ZNF420: variants seen among roughly 807,000 people sequenced by gnomAD.
The protein encoded by ZNF420 is zinc finger protein 420.
In ZNF420, 31 loss-of-function variants were observed where a neutral mutation model predicts 44.7. That is an observed-to-expected ratio of 0.69 (90% CI 0.52 to 0.94). The LOEUF (loss-of-function observed/expected upper bound fraction) is 0.94. ZNF420 is among the 40% of genes least tolerant of loss of function. The pLI, the probability that ZNF420 is intolerant of heterozygous loss-of-function variation, is 0.00. For missense variants in ZNF420, 681 were observed against 827.9 expected, an observed-to-expected ratio of 0.82 and a Z score of 2.18; for synonymous variants, 245 against 267.4, an observed-to-expected ratio of 0.92 and a Z score of 0.82.
intron 4 of ZNF420, among the ~76,000 whole-genome samples, chr19:37,120,218 C>T (rs1599718673): frequency 1.3e-5 from 2 of 152,234 alleles, no homozygotes; most frequent in South Asian, 4.1e-4. Context: ...ATGCAAAAAT[C>T]CTCAATAAAA....
chr19:37,114,306 C>T (rs1324593175), intron 4 of ZNF420, among the ~76,000 whole-genome samples: 1 of 151,924 alleles, frequency 6.6e-6, no homozygotes, highest in Non-Finnish European at 1.5e-5. Flanking sequence ...TTTCTGGGGG[C>T]GGCTGATCCT....
intron 1 of ZNF420, among the ~76,000 whole-genome samples, chr19:37,016,515 C>A (rs1599594446): frequency 6.6e-6 from 1 of 152,158 alleles, no homozygotes; most frequent in East Asian, 1.9e-4. Context: ...TCTTGGGGAT[C>A]CTCATTGCCC....
intron 1 of ZNF420, among the ~76,000 whole-genome samples, chr19:37,012,839 C>T (rs1000422246): frequency 5.4e-5 from 8 of 149,122 alleles, no homozygotes; most frequent in African/African-American, 2.0e-4. Context: ...CCATCTCTGT[C>T]TCTGTTTCTG....
At chr19:37,009,402 G>A (rs2146364513) in intron 1 of ZNF420, among the ~76,000 whole-genome samples, 1 of 152,262 alleles carries the variant, frequency 6.6e-6, no homozygotes, top group South Asian at 2.1e-4. Flanking sequence ...GCATTGTTGG[G>A]GAGGTCACCT....
intron 1 of ZNF420, among the ~76,000 whole-genome samples, chr19:37,067,455 A>C (rs1361509920): frequency 6.6e-6 from 1 of 152,210 alleles, no homozygotes; most frequent in Non-Finnish European, 1.5e-5. Flanking sequence ...GCTGGATACA[A>C]GGCTAATTAT....
intron 4 of ZNF420, among the ~76,000 whole-genome samples, chr19:37,124,390 T>G (rs1470984889): frequency 6.6e-6 from 1 of 152,236 alleles, no homozygotes; most frequent in Admixed American, 6.5e-5. Context: ...TAGTTCCAGT[T>G]TGGAGCACTT....
intron 4 of ZNF420, among the ~76,000 whole-genome samples, chr19:37,116,993 G>C (rs1429956481): frequency 6.6e-6 from 1 of 152,188 alleles, no homozygotes; most frequent in Non-Finnish European, 1.5e-5. Context: ...AGCTAAAGGA[G>C]GCCTTCCTGC....
intron 1 of ZNF420, among the ~76,000 whole-genome samples, chr19:37,068,227 TTACCCCAAA>T (rs928603591): frequency 3.3e-5 from 5 of 151,938 alleles, no homozygotes; most frequent in African/African-American, 1.2e-4. Flanking sequence ...AGAATGCATA[TTACCCCAAA>T]GAGTAGCAGA....
intron 1 of ZNF420, among the ~76,000 whole-genome samples, chr19:37,019,311 C>A (rs2074629477): frequency 6.6e-6 from 1 of 152,052 alleles, no homozygotes; most frequent in Non-Finnish European, 1.5e-5. Context: ...AAATGCTAAT[C>A]AAATCTATAA....
Position 37,127,476 on chromosome 19 carries a change from C to T in ZNF420, c.485C>T (p.Thr162Ile). The T allele has an allele frequency of 6.2e-7, 1 of 1,614,062 alleles. No homozygotes were observed. The highest frequency in any genetic ancestry group is 8.5e-7 in the Non-Finnish European group (1 of 1,179,962). ...SHLTQHQSIHTGEKPYECKQC... is the reference protein window; with the variant it reads ...SHLTQHQSIHIGEKPYECKQC... ...CTAACACAACATCAAAGTATTCATA[C>T]TGGTGAAAAACCCTATGAATGTAAG... is the stretch of plus-strand genomic sequence containing the variant. The change falls in exon 5 of 5, where the codon ACT becomes ATT. Residue 162 changes from threonine to isoleucine, a missense_variant. Coordinates refer to ENST00000337995, the MANE Select transcript of ZNF420 (RefSeq NM_144689.5).
chr19:37,065,306 CA>C (rs1318837864), intron 1 of ZNF420, among the ~76,000 whole-genome samples: 1 of 152,188 alleles, frequency 6.6e-6, no homozygotes, highest in African/African-American at 2.4e-5. Flanking sequence ...CCAAAGGCCA[CA>C]AGGGGTTTTA....
In ZNF420 at chr19:37,023,322, G is replaced by A. The variant is rs533649626; in HGVS notation, c.-125+15240G>A. 7.9e-5 allele frequency among the ~76,000 whole-genome samples: 12 copies of A among 152,188 alleles called. No individual in the cohort carries two copies. In the East Asian group the frequency reaches 9.7e-4, roughly 12 times the overall value. On this transcript the variant is annotated intron_variant, in intron 1 of 4. Transcript: ENST00000587029. The stretch of plus-strand genomic sequence containing the variant: ...AATTTTCCTCTATTACGAATGGTTC[G>A]ATAATGCAAAAATAGAAGAATGCCA...
rs1967630093 is a variant in ZNF420, at chr19:37,051,022, T to A, written c.-124-29323T>A. Among the ~76,000 whole-genome samples the A allele has an allele frequency of 2.0e-5, 3 of 152,372 alleles. No homozygotes were observed. In the South Asian group the frequency reaches 6.2e-4, roughly 32 times the overall value. ...GGTTCTGTTTATATGCTGGATTACA[T>A]TTATTGATTTGCATATGTTGAACCA... On this transcript the variant is annotated intron_variant, in intron 1 of 4. Coordinates refer to the ZNF420 transcript ENST00000587029.
At chr19:37,057,891 A>C (rs112260546) in intron 1 of ZNF420, among the ~76,000 whole-genome samples, 64 of 152,280 alleles carry the variant, frequency 4.2e-4, no homozygotes, top group African/African-American at 1.3e-3. Context: ...ATGAAGCCAC[A>C]CCACGATACA....
At chr19:37,075,989 G>A (rs1256197533), upstream of ZNF420, among the ~76,000 whole-genome samples, 2 of 125,724 alleles carry the variant, frequency 1.6e-5, no homozygotes, top group African/African-American at 6.6e-5. Flanking sequence ...TGCAGTCTAC[G>A]TTTCTGATGG....
chr19:37,067,815 T>C (rs765238758), intron 1 of ZNF420, among the ~76,000 whole-genome samples: 2 of 152,170 alleles, frequency 1.3e-5, no homozygotes, highest in Non-Finnish European at 2.9e-5. Context: ...AATGTCTCCA[T>C]ATGTGTGTGT....
intron 1 of ZNF420, among the ~76,000 whole-genome samples, chr19:37,012,860 A>C: frequency 8.0e-6 from 1 of 124,924 alleles, no homozygotes; most frequent in Non-Finnish European, 1.8e-5. Context: ...TCTCTTTCTT[A>C]CTTTCTTTGT....
intron 4 of ZNF420, among the ~76,000 whole-genome samples, chr19:37,112,211 A>G (rs1455707592): frequency 2.6e-5 from 4 of 151,916 alleles, no homozygotes. Context: ...CTCAATTGGG[A>G]CTTTAATGCC....
At chr19:37,015,566 C>T (rs770469560) in intron 1 of ZNF420, among the ~76,000 whole-genome samples, 2 of 152,040 alleles carry the variant, frequency 1.3e-5, no homozygotes, top group African/African-American at 4.8e-5. Context: ...AGTTCCATTC[C>T]GGGTCAAAAA....
Sources: allele counts gnomAD v4.1 joint callset (sites outside exome capture counted in the v4.1 genomes callset), GRCh38; gene constraint gnomAD v4.1.1; transcripts MANE v1.5; gene names NCBI Gene and HGNC (gene_info 2026-07-23, HGNC 2026-07-21).